Variants in CUL2 observed in about 807,000 individuals in gnomAD.
CUL2 encodes cullin 2.
A neutral mutation model predicts 110.2 loss-of-function variants in CUL2; 22 were observed. That is an observed-to-expected ratio of 0.20 (90% CI 0.14 to 0.28). The LOEUF (loss-of-function observed/expected upper bound fraction) is 0.28, where lower values mean the gene tolerates loss of function less well. Among genes scored for constraint, CUL2 ranks in the 10% least tolerant of loss-of-function variants. CUL2 has a pLI of 1.00. For missense variants in CUL2, 631 were observed against 905.5 expected, an observed-to-expected ratio of 0.70 and a Z score of 3.89; for synonymous variants, 279 against 293.2, an observed-to-expected ratio of 0.95 and a Z score of 0.49.
chr10:35,099,974 C>CT (rs1353968998), intron 2 of CUL2, among the ~76,000 whole-genome samples: 2 of 151,734 alleles, frequency 1.3e-5, no homozygotes, highest in Non-Finnish European at 2.9e-5. Flanking sequence ...TTTTTGTTTT[C>CT]TTTTTTTGTT....
chr10:35,058,953 G>C (rs912230820), intron 4 of CUL2, among the ~76,000 whole-genome samples: 1 of 152,138 alleles, frequency 6.6e-6, no homozygotes, highest in Non-Finnish European at 1.5e-5. Flanking sequence ...AAGACTTCAG[G>C]GGAGGAAGTG....
chr10:35,038,965 A>G lies in CUL2; in HGVS notation c.832T>C (p.Leu278=). 1 of 1,608,464 alleles carries G rather than the reference A, an allele frequency of 6.2e-7. No homozygotes were observed. Among genetic ancestry groups the G allele is most frequent in the East Asian group, 2.2e-5 (1 of 44,694 alleles). The change falls in exon 9 of 21, where the codon TTA becomes CTA. Residue 278 remains leucine (L), a synonymous_variant. Transcript: ENST00000374749. ...QRMVADHLQF[L]HAECHNIIRQ... ...ATTATATTATGACATTCTGCATGTA[A>G]AAACTGTAAGTGGTCTGCTACCATT...
At chr10:35,017,348 CTGAA>C (rs1467523828) in intron 17 of CUL2, among the ~76,000 whole-genome samples, 1 of 151,764 alleles carries the variant, frequency 6.6e-6, no homozygotes, top group Non-Finnish European at 1.5e-5. Flanking sequence ...AATGTTTAAT[CTGAA>C]TGTTTTCATA....
intron 1 of CUL2, among the ~76,000 whole-genome samples, chr10:35,077,831 G>A (rs1468909739): frequency 2.1e-5 from 3 of 146,298 alleles, no homozygotes; most frequent in South Asian, 2.2e-4. Flanking sequence ...AAAAAAAAAA[G>A]AAAAGAAATA....
chr10:35,078,935 G>A (rs1276242883), intron 1 of CUL2, among the ~76,000 whole-genome samples: 1 of 152,094 alleles, frequency 6.6e-6, no homozygotes, highest in African/African-American at 2.4e-5. Flanking sequence ...ACCATAATTA[G>A]TTTTTTAAAT....
rs544068087 is a variant in CUL2 at position 35,089,278 on chromosome 10, T to C, written c.-23+901A>G. On this transcript the variant is annotated intron_variant, in intron 1 of 20. Transcript: ENST00000374749. ...AAGAAGCAAAGTATAGCTCATTTGTTCATGTGTCTGTCTTGAAAAGGAATG... is the reference window on the plus strand; with the variant it reads ...AAGAAGCAAAGTATAGCTCATTTGTCCATGTGTCTGTCTTGAAAAGGAATG... 3.9e-4 allele frequency among the ~76,000 whole-genome samples: 59 copies of C among 152,356 alleles called. No homozygotes were observed. The South Asian group carries it at 0.01, about 26-fold the overall frequency.
intron 1 of CUL2, among the ~76,000 whole-genome samples, chr10:35,101,879 C>G (rs2087383348): frequency 6.6e-6 from 1 of 152,180 alleles, no homozygotes; most frequent in African/African-American, 2.4e-5. Flanking sequence ...GTAGAACTAA[C>G]AGAGCATGAA....
At chr10:35,065,573 C>T (rs142962074) in intron 2 of CUL2, among the ~76,000 whole-genome samples, 1,729 of 152,032 alleles carry the variant, frequency 0.011, 14 homozygotes, top group Non-Finnish European at 0.017. Flanking sequence ...GAGCCAAGAT[C>T]GCACCACTGC....
intron 4 of CUL2, among the ~76,000 whole-genome samples, chr10:35,059,191 A>C (rs1010075878): frequency 5.9e-5 from 9 of 152,246 alleles, no homozygotes; most frequent in Non-Finnish European, 1.2e-4. Flanking sequence ...AGGTGGTGGC[A>C]GGGTTTGAGA....
intron 9 of CUL2, among the ~76,000 whole-genome samples, chr10:35,035,907 G>A (rs1403518080): frequency 6.6e-6 from 1 of 152,164 alleles, no homozygotes; most frequent in African/African-American, 2.4e-5. Context: ...CTCTAACACT[G>A]GGAGGTGAAT....
Position 35,069,337 on chromosome 10 carries a change from G to A in CUL2, c.119+1862C>T, listed in dbSNP as rs569699863. Among the ~76,000 whole-genome samples, 6 of 152,128 alleles carry A rather than the reference G, an allele frequency of 3.9e-5. No homozygotes were observed. In the South Asian group the frequency reaches 1.0e-3, roughly 26 times the overall value. On this transcript the variant is annotated intron_variant, in intron 2 of 20. Transcript: ENST00000374749. ...GAGAAGTGATTGAGCCCAGGAGCTC[G>A]AGATCAGCCTGGGCAACATAGTGAG...
rs149685586 is a variant in CUL2 at position 35,073,358 on chromosome 10, T to C, written c.-22-2019A>G. On this transcript the variant is annotated intron_variant, in intron 1 of 20. Transcript: ENST00000374749. ...ATGCCTCCTTCTCTTCCTTGTTTACTACATCCTATCATCAACTGTGCACAT... is the reference window on the plus strand; with the variant it reads ...ATGCCTCCTTCTCTTCCTTGTTTACCACATCCTATCATCAACTGTGCACAT... Among the ~76,000 whole-genome samples, 925 of 152,318 alleles carry C rather than the reference T, an allele frequency of 6.1e-3. 11 individuals carry two copies. Among genetic ancestry groups the C allele is most frequent in the African/African-American group, 0.021 (877 of 41,572 alleles).
intron 10 of CUL2, 30 bp downstream of exon 10, chr10:35,035,142 G>A (rs2085587358): frequency 6.2e-7 from 1 of 1,613,666 alleles, no homozygotes; most frequent in Non-Finnish European, 8.5e-7. Flanking sequence ...TGATTAGGAG[G>A]AAAACATTGC....
chr10:35,106,053 G>A (rs77730154), intron 1 of CUL2, among the ~76,000 whole-genome samples: 23,908 of 152,044 alleles, frequency 0.16, 2,028 homozygotes, highest in East Asian at 0.24. Flanking sequence ...CCCAAAATTC[G>A]TATGTTGAAA....
rs1316881524 is a variant in CUL2, at chr10:35,010,277, T to C, written c.*34A>G. 2 of 1,550,722 alleles carry C rather than the reference T, an allele frequency of 1.3e-6. No homozygotes were observed. Among genetic ancestry groups the C allele is most frequent in the Admixed American group, 1.9e-5 (1 of 53,390 alleles). On this transcript the variant is annotated 3_prime_UTR_variant, in exon 21 of 21. Transcript: ENST00000374749. Reference sequence around the variant, plus strand: ...GGAACACACCAAATGGTGATGGCAATGATCTTCTCACACCACGCTGGAGGA... The same window carrying C: ...GGAACACACCAAATGGTGATGGCAACGATCTTCTCACACCACGCTGGAGGA...
At chr10:35,035,098 CAAT>C in intron 10 of CUL2, 71 bp downstream of exon 10, 1 of 1,536,674 alleles carries the variant, frequency 6.5e-7, no homozygotes, top group Non-Finnish European at 9.0e-7. Context: ...TCTTTCAAAA[CAAT>C]AAAGTCAAAG....
chr10:35,056,940 G>A (rs2086254322), intron 4 of CUL2, among the ~76,000 whole-genome samples: 2 of 152,072 alleles, frequency 1.3e-5, no homozygotes, highest in Non-Finnish European at 2.9e-5. Flanking sequence ...TACTTCCTTT[G>A]ACTTCCAATC....
chr10:35,095,697 T>A (rs2087287107), intron 2 of CUL2, among the ~76,000 whole-genome samples: 1 of 152,104 alleles, frequency 6.6e-6, no homozygotes, highest in African/African-American at 2.4e-5. Flanking sequence ...TAGCTGGAAC[T>A]ACAGGCACAT....
At chr10:35,077,768 G>A (rs1490833971) in intron 1 of CUL2, among the ~76,000 whole-genome samples, 3 of 149,052 alleles carry the variant, frequency 2.0e-5, no homozygotes, top group African/African-American at 7.4e-5. Flanking sequence ...GGTGAGTCGA[G>A]ATCGTGCCAT....
Sources: allele counts gnomAD v4.1 joint callset (sites outside exome capture counted in the v4.1 genomes callset), GRCh38; gene constraint gnomAD v4.1.1; transcripts MANE v1.5; gene names NCBI Gene and HGNC (gene_info 2026-07-23, HGNC 2026-07-21).